Variants in PRCD observed in about 807,000 individuals in gnomAD.
PRCD encodes the protein photoreceptor disc component.
In PRCD, 12 loss-of-function variants were observed where a neutral mutation model predicts 10.1. The ratio of observed to expected loss-of-function variants is 1.18; its 90% CI spans 0.76 to 1.92. The LOEUF is 1.92. Ranked by LOEUF, PRCD falls within the 40% of genes most tolerant of loss-of-function variation. PRCD has a pLI of 0.00. For missense variants in PRCD, 61 were observed against 72.2 expected (o/e 0.84, Z 0.56); for synonymous variants, 31 against 26.2 (o/e 1.18, Z -0.56).
At chr17:76,545,701 CT>C (rs2075047222), downstream of PRCD, 1 of 283,232 alleles carries the variant, frequency 3.5e-6, no homozygotes, top group African/African-American at 2.2e-5. Context: ...CTACTGGTAT[CT>C]GTCTCTTAGA....
chr17:76,540,372 A>C lies in PRCD; in HGVS notation c.75-133A>C, dbSNP rs2074976272. On this transcript the variant is annotated intron_variant, in intron 1 of 4. Coordinates refer to ENST00000592014, the MANE Select transcript of PRCD (RefSeq NM_001077620.3). This position sits in a 1 kb window ranked among gnomAD's most constrained non-coding sequence, Gnocchi z 5.0. ...CCTTGAGAGAGCACAGTCTCAGAGC[A>C]GGGGGACTTAGAGCTTCAAAGGCTC... 2 of 1,284,904 alleles carry C rather than the reference A, an allele frequency of 1.6e-6. No homozygotes were observed. Among genetic ancestry groups the C allele is most frequent in the African/African-American group, 2.9e-5 (2 of 68,342 alleles). The allele number at this position is 1,284,904 out of a possible 1,614,324, so 79.6% of individuals were successfully genotyped here.
In PRCD at chr17:76,531,412, C is replaced by A. The variant is rs778594394; in HGVS notation, n.45+3579C>A. Reference sequence around the variant, plus strand: ...CGCAGAGCCTGCGAGCTGCAGATGGCCATGACGCGTGGGCGGTGGGGGCTC... The same window carrying A: ...CGCAGAGCCTGCGAGCTGCAGATGGACATGACGCGTGGGCGGTGGGGGCTC... On this transcript the variant is annotated intron_variant and non_coding_transcript_variant, in intron 1 of 4. Coordinates refer to the PRCD transcript ENST00000397633. This position sits in a 1 kb window ranked among gnomAD's most constrained non-coding sequence, Gnocchi z 7.4. 1.3e-6 allele frequency: 2 copies of A among 1,576,038 alleles called. No individual in the cohort carries two copies. Among genetic ancestry groups the A allele is most frequent in the East Asian group, 2.3e-5 (1 of 44,114 alleles).
Sources: allele counts gnomAD v4.1 joint callset, GRCh38; gene constraint gnomAD v4.1.1; non-coding constraint Gnocchi (gnomAD v3.1); transcripts MANE v1.5; gene names NCBI Gene and HGNC (gene_info 2026-07-23, HGNC 2026-07-21).